The following GRIK2 variants were observed in gnomAD, a reference collection of about 807,000 sequenced individuals.
GRIK2 encodes the protein glutamate receptor ionotropic, kainate 2.
GRIK2 carries 32 observed loss-of-function variants against 100.3 expected under a neutral mutation model. That is an observed-to-expected ratio of 0.32 (90% CI 0.24 to 0.43). The LOEUF is 0.43. Among genes scored for constraint, GRIK2 ranks in the 20% least tolerant of loss-of-function variants. The pLI, the probability that GRIK2 is intolerant of heterozygous loss-of-function variation, is 1.00. For synonymous variants in GRIK2, 417 were observed against 389.4 expected, an observed-to-expected ratio of 1.07 and a Z score of -0.83; for missense variants, 843 against 1,114.9, an observed-to-expected ratio of 0.76 and a Z score of 3.47.
chr6:101,808,974 TTAA>T (rs1257058251), intron 9 of GRIK2, among the ~76,000 whole-genome samples: 5 of 151,354 alleles, frequency 3.3e-5, no homozygotes, highest in Admixed American at 6.6e-5. Context: ...ATTTCTATAG[TTAA>T]TAATATAAAT....
chr6:101,710,304 C>T (rs1054311986), intron 7 of GRIK2, among the ~76,000 whole-genome samples: 1 of 151,882 alleles, frequency 6.6e-6, no homozygotes, highest in Admixed American at 6.6e-5. Context: ...CTAGTTGTGG[C>T]TTTGCTGCTT....
intron 7 of GRIK2, among the ~76,000 whole-genome samples, chr6:101,774,198 G>A (rs189708227): frequency 6.6e-6 from 1 of 151,988 alleles, no homozygotes; most frequent in Admixed American, 6.6e-5. Flanking sequence ...ATACACCTAG[G>A]TCCCAAATTT....
chr6:101,802,431 T>A lies in GRIK2; in HGVS notation c.1196T>A (p.Leu399Gln). 1 of 1,466,314 alleles carries A rather than the reference T, an allele frequency of 6.8e-7. No individual in the cohort carries two copies. Among genetic ancestry groups the A allele is most frequent in the Non-Finnish European group, 9.4e-7 (1 of 1,068,760 alleles). 90.8% of individuals were successfully genotyped at this position (1,466,314 alleles called of 1,614,324 possible). A position where few individuals can be genotyped will look rare whatever the true frequency, so the allele number is the denominator to read the frequency against. Reference protein sequence around the residue: ...LDVISLKEEGLEKIGTWDPAS... With the variant: ...LDVISLKEEGQEKIGTWDPAS... ...GTGATCAGTCTGAAGGAAGAAGGTCTAGAAAAGGTATTTCAGTGAGCTTAT... is the reference window on the plus strand; with the variant it reads ...GTGATCAGTCTGAAGGAAGAAGGTCAAGAAAAGGTATTTCAGTGAGCTTAT... Residue 399 changes from leucine to glutamine, a missense_variant, in exon 9 of 17, where the codon CTA becomes CAA. Coordinates refer to ENST00000369134, the MANE Select transcript of GRIK2 (RefSeq NM_021956.5).
At chr6:101,690,500 G>A (rs527535284) in intron 7 of GRIK2, among the ~76,000 whole-genome samples, 2 of 152,026 alleles carry the variant, frequency 1.3e-5, no homozygotes, top group South Asian at 4.2e-4. Context: ...TCATTCCCTG[G>A]CTTTCCTAAT....
chr6:101,518,186 TAAAAA>T (rs960514216), intron 2 of GRIK2, among the ~76,000 whole-genome samples: 2 of 151,858 alleles, frequency 1.3e-5, no homozygotes, highest in Admixed American at 1.3e-4. Context: ...GCAATAAAGT[TAAAAA>T]AAAGTGCTAT....
chr6:101,915,607 C>G (rs955545702), intron 12 of GRIK2, among the ~76,000 whole-genome samples: 1 of 151,250 alleles, frequency 6.6e-6, no homozygotes, highest in African/African-American at 2.4e-5. Flanking sequence ...ACAGACGAAA[C>G]TTCAGGGTGG....
intron 14 of GRIK2, among the ~76,000 whole-genome samples, chr6:101,998,047 G>C (rs906192114): frequency 1.3e-5 from 2 of 152,054 alleles, no homozygotes; most frequent in African/African-American, 4.8e-5. Flanking sequence ...AAGATAGTGA[G>C]CATATCTATC....
intron 1 of GRIK2, among the ~76,000 whole-genome samples, chr6:101,397,398 G>A (rs1045135001): frequency 1.3e-5 from 2 of 152,190 alleles, no homozygotes; most frequent in Non-Finnish European, 2.9e-5. Flanking sequence ...GACTGAAGGA[G>A]TCGCTAGATA....
At chr6:101,687,981 TAA>T (rs1771822004) in intron 7 of GRIK2, among the ~76,000 whole-genome samples, 1 of 149,854 alleles carries the variant, frequency 6.7e-6, no homozygotes, top group Admixed American at 6.7e-5. Flanking sequence ...TTTTGAAACT[TAA>T]GACAATGTGA....
chr6:102,041,971 G>A (rs992814499), intron 15 of GRIK2, among the ~76,000 whole-genome samples: 2 of 151,492 alleles, frequency 1.3e-5, no homozygotes, highest in African/African-American at 2.4e-5. Context: ...CTGGAAACCT[G>A]TTTCTAATGA....
chr6:101,835,464 CTTTTTTT>C (rs764148146), intron 10 of GRIK2, among the ~76,000 whole-genome samples: 7 of 89,044 alleles, frequency 7.9e-5, no homozygotes, highest in South Asian at 4.4e-4. Context: ...CTATGAGTTC[CTTTTTTT>C]TTTTTTTTTT....
At chr6:101,756,584 T>G (rs1358123839) in intron 7 of GRIK2, among the ~76,000 whole-genome samples, 2 of 152,316 alleles carry the variant, frequency 1.3e-5, no homozygotes, top group Admixed American at 1.3e-4. Context: ...GAGGCTGTTC[T>G]ACTAAACGTC....
intron 14 of GRIK2, among the ~76,000 whole-genome samples, chr6:101,975,091 A>G (rs73763612): frequency 0.016 from 2,478 of 152,092 alleles, 72 homozygotes; most frequent in African/African-American, 0.058. Flanking sequence ...GGAGTCAAGG[A>G]TGATTTTTTG....
chr6:102,044,988 T>C (rs1360969456), intron 15 of GRIK2, among the ~76,000 whole-genome samples: 1 of 152,072 alleles, frequency 6.6e-6, no homozygotes, highest in African/African-American at 2.4e-5. Flanking sequence ...AATATTACAA[T>C]TTTTAAAGTA....
At chr6:101,421,205 T>G (rs1432736668) in intron 2 of GRIK2, among the ~76,000 whole-genome samples, 1 of 152,216 alleles carries the variant, frequency 6.6e-6, no homozygotes, top group South Asian at 2.1e-4. Context: ...ACTGATCTGC[T>G]GCTACCTTCT....
At chr6:101,910,836 A>ATGC (rs1562482001) in intron 12 of GRIK2, among the ~76,000 whole-genome samples, 4 of 59,866 alleles carry the variant, frequency 6.7e-5, no homozygotes, top group African/African-American at 2.8e-4. Flanking sequence ...ATACCAACAT[A>ATGC]CACCACACAC....
intron 7 of GRIK2, among the ~76,000 whole-genome samples, chr6:101,718,641 A>G (rs528434447): frequency 1.2e-4 from 18 of 152,054 alleles, no homozygotes; most frequent in Admixed American, 1.2e-3. Context: ...AATCTTCGAG[A>G]GATCATGCTG....
rs905861784 is a variant in GRIK2, at chr6:101,431,737, A to AG, written c.115+32345_115+32346insG. Among the ~76,000 whole-genome samples, 3 of 152,212 alleles carry AG rather than the reference A, an allele frequency of 2.0e-5. No homozygotes were observed. In the South Asian group the frequency reaches 6.2e-4, roughly 32 times the overall value. On this transcript the variant is annotated intron_variant, in intron 2 of 16. Coordinates refer to ENST00000369134, the MANE Select transcript of GRIK2 (RefSeq NM_021956.5). Reference sequence around the variant, plus strand: ...ATGGAATATTGGTTATCACTTTGTTACTTGGCCTGCATGGATACTTTATAA... The same window carrying AG: ...ATGGAATATTGGTTATCACTTTGTTAGCTTGGCCTGCATGGATACTTTATAA...
chr6:102,044,379 G>A (rs1413966), intron 15 of GRIK2, among the ~76,000 whole-genome samples: 41,286 of 151,796 alleles, frequency 0.27, 5,707 homozygotes, highest in Non-Finnish European at 0.3. Context: ...GTATTAGTCT[G>A]TTTTCATGCT....
Sources: gnomAD v4.1 joint callset for allele counts (sites outside exome capture counted in the v4.1 genomes callset) on GRCh38, gnomAD v4.1.1 for gene constraint, MANE v1.5 for transcripts, NCBI Gene and HGNC (gene_info 2026-07-23, HGNC 2026-07-21) for gene names.